The following FSTL4 variants were observed in gnomAD, a reference collection of about 807,000 sequenced individuals.
FSTL4 encodes the protein follistatin-related protein 4.
Under a neutral mutation model 78.2 loss-of-function variants are expected in FSTL4, and 28 were observed. That is an observed-to-expected ratio of 0.36 (90% CI 0.27 to 0.49). The LOEUF (loss-of-function observed/expected upper bound fraction) is 0.49. Ranked by LOEUF, FSTL4 falls within the 20% of genes least tolerant of loss-of-function variation. The probability of loss-of-function intolerance (pLI) is 0.98; values close to 1 mark genes in which losing one functional copy is unlikely to be tolerated. For synonymous variants in FSTL4, 422 were observed against 440.5 expected (o/e 0.96, Z 0.53); for missense variants, 922 against 1,084.9 (o/e 0.85, Z 2.11).
chr5:133,817,878 C>T, the FSTL4 span, among the ~76,000 whole-genome samples: 10 of 152,206 alleles, frequency 6.6e-5, no homozygotes, highest in African/African-American at 2.4e-4. Context: ...CTCCTAACAA[C>T]CTATGATGCC....
At chr5:133,437,376 G>A (rs1161153070) in intron 3 of FSTL4, among the ~76,000 whole-genome samples, 1 of 152,038 alleles carries the variant, frequency 6.6e-6, no homozygotes, top group Non-Finnish European at 1.5e-5. Context: ...AGGTAATATG[G>A]AATCAGAACA....
chr5:133,758,185 G>A, the FSTL4 span, among the ~76,000 whole-genome samples: 4 of 152,102 alleles, frequency 2.6e-5, no homozygotes, highest in African/African-American at 9.7e-5. Flanking sequence ...ACTCACTGAG[G>A]GATGTGCAAT....
the FSTL4 span, among the ~76,000 whole-genome samples, chr5:133,745,863 G>T: frequency 6.6e-6 from 1 of 152,228 alleles, no homozygotes; most frequent in Non-Finnish European, 1.5e-5. Context: ...GGTTCCAGGA[G>T]CTTTTGCTTT....
intron 3 of FSTL4, among the ~76,000 whole-genome samples, chr5:133,448,787 A>T (rs1457781256): frequency 1.4e-5 from 2 of 146,998 alleles, no homozygotes; most frequent in Non-Finnish European, 3.0e-5. Flanking sequence ...CAAACTCCCC[A>T]GATGCTTCTT....
chr5:133,685,520 T>G, the FSTL4 span, among the ~76,000 whole-genome samples: 1 of 152,348 alleles, frequency 6.6e-6, no homozygotes, highest in Admixed American at 6.5e-5. Context: ...GATATGTGTG[T>G]GCTTGGAGAC....
At chr5:133,278,233 G>A (rs1268747833) in intron 6 of FSTL4, among the ~76,000 whole-genome samples, 1 of 152,182 alleles carries the variant, frequency 6.6e-6, no homozygotes, top group Non-Finnish European at 1.5e-5. Context: ...TAGGCATCCT[G>A]TCCAGAGGCC....
At chr5:133,221,907 T>TG (rs1751132803) in intron 11 of FSTL4, among the ~76,000 whole-genome samples, 1 of 114,118 alleles carries the variant, frequency 8.8e-6, no homozygotes, top group Non-Finnish European at 1.7e-5. Flanking sequence ...TTTTTTTTTT[T>TG]TTTTTTTTTT....
At chr5:133,716,482 C>T in the FSTL4 span, among the ~76,000 whole-genome samples, 50,859 of 151,786 alleles carry the variant, frequency 0.34, 9,231 homozygotes, top group African/African-American at 0.47. Context: ...TCATACCCCT[C>T]CTTAACTGGG....
chr5:133,474,388 G>A (rs1757886512), intron 3 of FSTL4, among the ~76,000 whole-genome samples: 1 of 152,156 alleles, frequency 6.6e-6, no homozygotes, highest in Non-Finnish European at 1.5e-5. Flanking sequence ...CCGGAACACA[G>A]GTTCAGGCTG....
At chr5:133,697,619 T>C in the FSTL4 span, among the ~76,000 whole-genome samples, 1 of 152,192 alleles carries the variant, frequency 6.6e-6, no homozygotes, top group South Asian at 2.1e-4. Flanking sequence ...ATTTATAAAG[T>C]CAATCTGAAA....
At chr5:133,825,833 G>A in the FSTL4 span, among the ~76,000 whole-genome samples, 21 of 152,204 alleles carry the variant, frequency 1.4e-4, no homozygotes, top group African/African-American at 4.8e-4. Context: ...TCAGAGCTGC[G>A]GAGAAGCAAT....
chr5:133,365,005 T>G (rs907809660), intron 4 of FSTL4, among the ~76,000 whole-genome samples: 1 of 152,186 alleles, frequency 6.6e-6, no homozygotes, highest in Non-Finnish European at 1.5e-5. Flanking sequence ...GCCTCACAGA[T>G]GAAGACACGC....
At chr5:133,748,949 G>A in the FSTL4 span, among the ~76,000 whole-genome samples, 16 of 152,202 alleles carry the variant, frequency 1.1e-4, no homozygotes, top group African/African-American at 3.9e-4. Context: ...AAACCTAGGG[G>A]GATTTGGGTA....
At chr5:133,775,588 C>T in the FSTL4 span, among the ~76,000 whole-genome samples, 4 of 152,120 alleles carry the variant, frequency 2.6e-5, no homozygotes, top group Non-Finnish European at 4.4e-5. Flanking sequence ...AAGTACATAG[C>T]GGAACTCCAT....
At chr5:133,247,660 AG>A (rs1026532801) in intron 7 of FSTL4, 6 of 152,304 alleles carry the variant, frequency 3.9e-5, no homozygotes, top group Non-Finnish European at 8.8e-5. Context: ...TGGCCATCGC[AG>A]GCCCAGAAAA....
intron 7 of FSTL4, chr5:133,248,722 G>C (rs1373579191): frequency 6.6e-6 from 1 of 152,230 alleles, no homozygotes; most frequent in African/African-American, 2.4e-5. Context: ...GGGCACAGAC[G>C]TACCCCCTGA....
At chr5:133,334,386 C>T (rs759306662) in intron 4 of FSTL4, among the ~76,000 whole-genome samples, 3 of 152,164 alleles carry the variant, frequency 2.0e-5, no homozygotes, top group Non-Finnish European at 4.4e-5. Flanking sequence ...CTGGTGTTAG[C>T]CACCCTTCTG....
rs951680805 is a variant in FSTL4 at position 133,290,214 on chromosome 5, G to C, written c.727+22440C>G. On this transcript the variant is annotated intron_variant, in intron 6 of 15. Coordinates refer to ENST00000265342, the MANE Select transcript of FSTL4 (RefSeq NM_015082.2). ...TGAGGAGGAGAGTGAATAAACAACA[G>C]GGAATTTTATGTACCCATGATGAGC... Among the ~76,000 whole-genome samples, 4 of 152,352 alleles carry C rather than the reference G, an allele frequency of 2.6e-5. No individual in the cohort carries two copies. The South Asian group carries it at 8.3e-4, about 32-fold the overall frequency.
intron 2 of FSTL4, among the ~76,000 whole-genome samples, chr5:133,574,136 C>T (rs148070629): frequency 1.8e-4 from 27 of 152,190 alleles, no homozygotes; most frequent in Middle Eastern, 6.8e-3. Context: ...ATATATCTTA[C>T]GAATGACTTA....
Sources: gnomAD v4.1 joint callset for allele counts (sites outside exome capture counted in the v4.1 genomes callset) on GRCh38, gnomAD v4.1.1 for gene constraint, MANE v1.5 for transcripts, NCBI Gene and HGNC (gene_info 2026-07-23, HGNC 2026-07-21) for gene names.